The following PHTF2 variants were observed in gnomAD, a reference collection of about 807,000 sequenced individuals.
The protein encoded by PHTF2 is protein PHTF2.
Under a neutral mutation model 101.2 loss-of-function variants are expected in PHTF2, and 60 were observed. The observed-to-expected ratio is 0.59, with a 90% CI of 0.48 to 0.73. The LOEUF (loss-of-function observed/expected upper bound fraction) is 0.73, where lower values mean the gene tolerates loss of function less well. Among genes scored for constraint, PHTF2 ranks in the 30% least tolerant of loss-of-function variants. The pLI, the probability that PHTF2 is intolerant of heterozygous loss-of-function variation, is 0.00. For synonymous variants in PHTF2, 311 were observed against 307.3 expected, an observed-to-expected ratio of 1.01 and a Z score of -0.13; for missense variants, 747 against 908.7, an observed-to-expected ratio of 0.82 and a Z score of 2.29.
At chr7:77,912,710 CTTTTTTTTTTTTTTTTTTTT>C (rs536966733) in intron 9 of PHTF2, among the ~76,000 whole-genome samples, 78 of 80,464 alleles carry the variant, frequency 9.7e-4, no homozygotes, top group Non-Finnish European at 1.5e-3. Context: ...AGAGAACCAC[CTTTTTTTTTTTTTTTTTTTT>C]TTTTTTTTTT....
chr7:77,821,730 C>G (rs988276174), intron 1 of PHTF2, among the ~76,000 whole-genome samples: 19 of 151,918 alleles, frequency 1.3e-4, no homozygotes, highest in Admixed American at 1.2e-3. Context: ...AGGACTTTCT[C>G]AGGTTTGGGA....
At chr7:77,911,662 T>C (rs1311996109) in intron 9 of PHTF2, among the ~76,000 whole-genome samples, 1 of 152,238 alleles carries the variant, frequency 6.6e-6, no homozygotes, top group East Asian at 1.9e-4. Context: ...TAAGCAGTTA[T>C]ATCCAGGGCA....
At chr7:77,838,878 A>T (rs1795662381) in intron 1 of PHTF2, among the ~76,000 whole-genome samples, 1 of 152,230 alleles carries the variant, frequency 6.6e-6, no homozygotes, top group African/African-American at 2.4e-5. Context: ...AATTTGGTTT[A>T]TAACAGTCAA....
At chr7:77,831,238 AC>A (rs1225543188) in intron 1 of PHTF2, among the ~76,000 whole-genome samples, 1 of 152,270 alleles carries the variant, frequency 6.6e-6, no homozygotes, top group Non-Finnish European at 1.5e-5. Flanking sequence ...AAAGAAAAAA[AC>A]GTGAACATGA....
At chr7:77,936,504 G>A (rs534158293) in intron 12 of PHTF2, among the ~76,000 whole-genome samples, 3 of 152,008 alleles carry the variant, frequency 2.0e-5, no homozygotes, top group South Asian at 2.1e-4. Context: ...GTGAAACCCC[G>A]TCTCTACAAA....
In PHTF2 at chr7:77,840,229, G is replaced by T; in HGVS notation, c.-27G>T. On this transcript the variant is annotated 5_prime_UTR_variant, in exon 2 of 20. An upstream start codon of the reference 5' UTR is lost. Coordinates refer to ENST00000416283, the Ensembl canonical transcript of PHTF2. ...TTTTCTCTCTTGCACAGCCTAAAAT[G>T]ACCAATGTGTGATTTCAGTGGAATA... The T allele has an allele frequency of 6.4e-7, 1 of 1,570,808 alleles. No homozygotes were observed.
intron 1 of PHTF2, among the ~76,000 whole-genome samples, chr7:77,804,535 A>G (rs1792822560): frequency 6.6e-6 from 1 of 152,186 alleles, no homozygotes; most frequent in African/African-American, 2.4e-5. Flanking sequence ...CTTGTTGGCC[A>G]GGCTGGTCTT....
intron 3 of PHTF2, among the ~76,000 whole-genome samples, chr7:77,892,823 G>C (rs890861572): frequency 5.3e-5 from 8 of 152,138 alleles, no homozygotes; most frequent in East Asian, 1.9e-4. Flanking sequence ...AAGAAATTCT[G>C]CTTCATAATT....
rs1028389825 is a variant in PHTF2, at chr7:77,922,734, C to T, written c.1075C>T (p.Arg359Trp). 6 of 1,607,060 alleles carry T rather than the reference C, an allele frequency of 3.7e-6. No individual in the cohort carries two copies. The highest frequency in any genetic ancestry group is 5.1e-6 in the Non-Finnish European group (6 of 1,176,128). ...GGACAGGACTTCTGAAGGTGTTCTT[C>T]GGAATAGAAAGTCACACCATTATAA... The change falls in exon 11 of 20, where the codon CGG becomes TGG. Residue 359 changes from arginine to tryptophan, a missense_variant. Physicochemically the swap from Arg to Trp is moderately radical, Grantham distance 101 (BLOSUM62 -3). Around this residue, in one of 6 missense-constraint regions of PHTF2, gnomAD observed 349 missense variants for 369.7 expected, o/e 0.94. Coordinates refer to ENST00000416283, the Ensembl canonical transcript of PHTF2.
intron 3 of PHTF2, among the ~76,000 whole-genome samples, chr7:77,885,002 C>T (rs571729615): frequency 1.0e-3 from 155 of 152,224 alleles, no homozygotes; most frequent in African/African-American, 3.5e-3. Context: ...ATGATGCATA[C>T]ACCAAAAAAA....
At chr7:77,819,086 C>T (rs1450794372) in intron 1 of PHTF2, among the ~76,000 whole-genome samples, 1 of 152,120 alleles carries the variant, frequency 6.6e-6, no homozygotes, top group African/African-American at 2.4e-5. Flanking sequence ...AATATTGATA[C>T]TGTATCTTGC....
chr7:77,893,090 T>A (rs527789137), intron 3 of PHTF2, among the ~76,000 whole-genome samples: 1 of 152,340 alleles, frequency 6.6e-6, no homozygotes, highest in East Asian at 1.9e-4. Flanking sequence ...AGAGGGATTT[T>A]AAAAAGTTTT....
intron 9 of PHTF2, among the ~76,000 whole-genome samples, chr7:77,917,517 C>T (rs746332150): frequency 2.6e-5 from 4 of 152,172 alleles, no homozygotes; most frequent in Non-Finnish European, 5.9e-5. Context: ...AGCTCCAATT[C>T]AAATACAATC....
intron 12 of PHTF2, among the ~76,000 whole-genome samples, chr7:77,937,129 A>G (rs150601506): frequency 1.6e-3 from 246 of 152,320 alleles, no homozygotes; most frequent in Middle Eastern, 0.01. Context: ...CTGGATTAAA[A>G]TATCAGAAAA....
At chr7:77,940,130 C>T (rs778156544) in exon 14 of PHTF2, 7 of 1,613,870 alleles carry the variant, frequency 4.3e-6, no homozygotes, top group Non-Finnish European at 5.9e-6. Context: ...TCTCAAGCTA[C>T]AGACTTGGAA....
At position 77,940,489 on chromosome 7, in the gene PHTF2, A is replaced by G; in HGVS notation, c.1741-39A>G. On this transcript the variant is annotated intron_variant, in intron 14 of 19. Transcript: ENST00000416283. Reference sequence around the variant, plus strand: ...TTGTTAATTTTGTTTTTCTGTGGTAATCTACTTGAAAATTAATCCTCATCT... The same window carrying G: ...TTGTTAATTTTGTTTTTCTGTGGTAGTCTACTTGAAAATTAATCCTCATCT... 2.0e-6 allele frequency: 3 copies of G among 1,533,524 alleles called. No homozygotes were observed. The East Asian group carries it at 6.9e-5, about 35-fold the overall frequency. The allele number at this position is 1,533,524 out of a possible 1,614,324, so 95.0% of individuals were successfully genotyped here.
intron 7 of PHTF2, among the ~76,000 whole-genome samples, chr7:77,902,589 A>G (rs1946087175): frequency 6.6e-6 from 1 of 152,210 alleles, no homozygotes; most frequent in Non-Finnish European, 1.5e-5. Context: ...TAGCAGCAGT[A>G]TATAACACAA....
chr7:77,820,249 T>C (rs1794174411), intron 1 of PHTF2, among the ~76,000 whole-genome samples: 2 of 152,230 alleles, frequency 1.3e-5, no homozygotes, highest in African/African-American at 4.8e-5. Flanking sequence ...TCAGGTTTTC[T>C]GTTTCTTCCT....
Position 77,931,609 on chromosome 7 carries a change from A to C in PHTF2, c.1338+2282A>C, listed in dbSNP as rs1455958842. On this transcript the variant is annotated intron_variant, in intron 12 of 19. Transcript: ENST00000416283. ...AAGAATGTGAAGAGAGAACTCTTTA[A>C]TACTGATGTTTGTTTGTACAGCTAC... Among the ~76,000 whole-genome samples, 4 of 152,212 alleles carry C rather than the reference A, an allele frequency of 2.6e-5. No individual in the cohort carries two copies. The East Asian group carries it at 7.7e-4, about 29-fold the overall frequency.
Sources: gnomAD v4.1 joint callset for allele counts (sites outside exome capture counted in the v4.1 genomes callset) on GRCh38, gnomAD v4.1.1 for gene constraint, gnomAD v4.1.1 regional missense constraint, MANE v1.5 for transcripts, NCBI Gene and HGNC (gene_info 2026-07-23, HGNC 2026-07-21) for gene names.